The following RANBP3L variants were observed in gnomAD, a reference collection of about 807,000 sequenced individuals.
RANBP3L encodes RAN binding protein 3 like.
A neutral mutation model predicts 67.2 loss-of-function variants in RANBP3L; 56 were observed. That is an observed-to-expected ratio of 0.83 (90% CI 0.67 to 1.04). The LOEUF (loss-of-function observed/expected upper bound fraction) is 1.04, where lower values mean the gene tolerates loss of function less well. Ranked by LOEUF, RANBP3L falls within the 50% of genes least tolerant of loss-of-function variation. The pLI, the probability that RANBP3L is intolerant of heterozygous loss-of-function variation, is 0.00. For missense variants in RANBP3L, 496 were observed against 535.5 expected (o/e 0.93, Z 0.73); for synonymous variants, 164 against 181.4 (o/e 0.90, Z 0.77).
chr5:36,283,992 T>C (rs932164040), intron 1 of RANBP3L, among the ~76,000 whole-genome samples: 1 of 152,124 alleles, frequency 6.6e-6, no homozygotes, highest in Non-Finnish European at 1.5e-5. Context: ...CACTTCCTTT[T>C]TTTTTTTTGA....
At chr5:36,299,450 A>C (rs543417622) in intron 1 of RANBP3L, among the ~76,000 whole-genome samples, 1 of 152,096 alleles carries the variant, frequency 6.6e-6, no homozygotes, top group East Asian at 1.9e-4. Context: ...GCCTGGCTTA[A>C]AACAATAGTG....
chr5:36,276,625 CT>C (rs1750590225), intron 1 of RANBP3L, among the ~76,000 whole-genome samples: 1 of 152,040 alleles, frequency 6.6e-6, no homozygotes, highest in Non-Finnish European at 1.5e-5. Context: ...TATACCCCCC[CT>C]AATTTTGGGT....
chr5:36,272,082 A>G (rs1227495139), intron 1 of RANBP3L, among the ~76,000 whole-genome samples: 1 of 152,088 alleles, frequency 6.6e-6, no homozygotes, highest in African/African-American at 2.4e-5. Flanking sequence ...CTAATTGACT[A>G]ACTACTTTGG....
intron 1 of RANBP3L, among the ~76,000 whole-genome samples, chr5:36,280,717 A>T (rs1239803421): frequency 5.9e-5 from 9 of 152,154 alleles, no homozygotes; most frequent in Non-Finnish European, 5.9e-5. Flanking sequence ...TGGTTTTATA[A>T]GGACTTTCTT....
rs1230540779 is a variant in RANBP3L at position 36,247,017 on chromosome 5, CAT to C, written c.*2635_*2636del. On this transcript the variant is annotated 3_prime_UTR_variant, in exon 14 of 14. Transcript: ENST00000296604. ...TGTCTTAACACAAGATATATAATGACATAAATTAGTTAATTAAATTTTAATTA... is the reference window on the plus strand; with the variant it reads ...TGTCTTAACACAAGATATATAATGACAAATTAGTTAATTAAATTTTAATTA... 6.6e-6 allele frequency among the ~76,000 whole-genome samples: 1 copy of C among 152,112 alleles called. No homozygotes were observed. Among genetic ancestry groups the C allele is most frequent in the Non-Finnish European group, 1.5e-5 (1 of 68,014 alleles).
chr5:36,283,405 A>AG (rs1561131945), intron 1 of RANBP3L, among the ~76,000 whole-genome samples: 1 of 151,704 alleles, frequency 6.6e-6, no homozygotes, highest in Non-Finnish European at 1.5e-5. Context: ...TGTTACAAAA[A>AG]AAAAAAAACA....
chr5:36,269,393 C>T lies in RANBP3L; in HGVS notation c.265G>A (p.Gly89Arg). Residue 89 changes from glycine to arginine, a missense_variant, in exon 4 of 14, where the codon GGA becomes AGA. Coordinates refer to ENST00000296604, the MANE Select transcript of RANBP3L (RefSeq NM_145000.5). Reference protein sequence around the residue: ...TFHITDSQSQGVRKNNVFMTS... With the variant: ...TFHITDSQSQRVRKNNVFMTS... ...CAACAGTCAAGGCTATACATACCTC[C>T]CTGGGACTGAGAATCTGTAATATGA... The T allele has an allele frequency of 6.5e-7, 1 of 1,538,138 alleles. No homozygotes were observed. Among genetic ancestry groups the T allele is most frequent in the Non-Finnish European group, 9.0e-7 (1 of 1,110,734 alleles).
At chr5:36,292,687 G>A (rs1340658668) in intron 1 of RANBP3L, among the ~76,000 whole-genome samples, 4 of 151,608 alleles carry the variant, frequency 2.6e-5, no homozygotes, top group Admixed American at 6.6e-5. Context: ...TTTTTCTCAG[G>A]TTTGTCAAAG....
At chr5:36,274,837 G>C (rs1750463115) in intron 1 of RANBP3L, among the ~76,000 whole-genome samples, 1 of 152,130 alleles carries the variant, frequency 6.6e-6, no homozygotes, top group Non-Finnish European at 1.5e-5. Flanking sequence ...TTCTAGAAAA[G>C]AGCTGATGAG....
chr5:36,282,129 A>G (rs140728272), intron 1 of RANBP3L, among the ~76,000 whole-genome samples: 333 of 152,282 alleles, frequency 2.2e-3, no homozygotes, highest in African/African-American at 6.9e-3. Context: ...ATTTGACAGC[A>G]TTTGTAAATC....
chr5:36,263,653 T>C (rs892453859), intron 6 of RANBP3L, among the ~76,000 whole-genome samples: 12 of 152,132 alleles, frequency 7.9e-5, no homozygotes, highest in African/African-American at 2.7e-4. Flanking sequence ...CTTCCCGGGT[T>C]CAAGCTAGGA....
chr5:36,259,840 A>G (rs978585684), intron 8 of RANBP3L, among the ~76,000 whole-genome samples: 3 of 152,046 alleles, frequency 2.0e-5, no homozygotes, highest in Non-Finnish European at 4.4e-5. Flanking sequence ...TTTTCTGTAA[A>G]ATTTTCCACT....
At chr5:36,298,592 C>G (rs941655695) in intron 1 of RANBP3L, among the ~76,000 whole-genome samples, 2 of 152,194 alleles carry the variant, frequency 1.3e-5, no homozygotes, top group Non-Finnish European at 2.9e-5. Flanking sequence ...TGAATGAATA[C>G]TTTAAAACTC....
intron 8 of RANBP3L, among the ~76,000 whole-genome samples, chr5:36,257,976 C>A (rs960697350): frequency 1.3e-5 from 2 of 152,006 alleles, no homozygotes; most frequent in Non-Finnish European, 2.9e-5. Flanking sequence ...AATTAATTTA[C>A]CATTAGAAAT....
intron 1 of RANBP3L, among the ~76,000 whole-genome samples, chr5:36,298,492 C>T (rs1752390343): frequency 6.6e-6 from 1 of 152,146 alleles, no homozygotes; most frequent in South Asian, 2.1e-4. Context: ...CTCTCTAAAA[C>T]AAATGGCTTT....
In RANBP3L at chr5:36,252,793, A is replaced by G. The variant is rs571614761; in HGVS notation, c.1167+854T>C. Among the ~76,000 whole-genome samples the G allele has an allele frequency of 2.9e-3, 446 of 152,218 alleles. 4 individuals are homozygous for G. The highest frequency in any genetic ancestry group is 0.01 in the African/African-American group (432 of 41,556). ...CTTAAATGGTAAACGGGGTTTGTAC[A>G]TCATCTTACCAGAACATTTTAATGC... On this transcript the variant is annotated intron_variant, in intron 12 of 13. Coordinates refer to ENST00000296604, the MANE Select transcript of RANBP3L (RefSeq NM_145000.5).
chr5:36,281,674 T>G (rs1397251791), intron 1 of RANBP3L, among the ~76,000 whole-genome samples: 11 of 152,158 alleles, frequency 7.2e-5, no homozygotes, highest in Non-Finnish European at 4.4e-5. Context: ...TATAAAACAC[T>G]GCAAGATGCT....
rs569339369 is a variant in RANBP3L, at chr5:36,264,982, T to A, written c.457A>T (p.Thr153Ser). ...ACCTTATTATTTGTTTTTTCTTTAG[T>A]CTTGCAAGATTCCAGTGCCTTGTGT... ...FGHKALESCK[T>S]KEKTNNKISE... is the part of the protein sequence containing the mutation. The change falls in exon 6 of 14, where the codon ACT becomes TCT. Residue 153 changes from threonine (T) to serine (S), a missense_variant. Thr to Ser is a moderately conservative substitution (Grantham distance 58). Coordinates refer to ENST00000296604, the MANE Select transcript of RANBP3L (RefSeq NM_145000.5). 3.1e-6 allele frequency: 5 copies of A among 1,613,540 alleles called. No homozygotes were observed. In the South Asian group the frequency reaches 5.5e-5, roughly 18 times the overall value.
Position 36,256,088 on chromosome 5 carries a change from ATATTTTT to A in RANBP3L, c.904-505_904-499del, listed in dbSNP as rs947234893. On this transcript the variant is annotated intron_variant, in intron 10 of 13. Transcript: ENST00000296604. ...ATCATTGAACCATTTGCATGCTTCA[ATATTTTT>A]AAAGAGAGCATGATAACGTGGAGAA... 6.6e-5 allele frequency among the ~76,000 whole-genome samples: 10 copies of A among 152,250 alleles called. 1 individual carries two copies. The highest frequency in any genetic ancestry group is 5.2e-4 in the Admixed American group (8 of 15,278).
Sources: allele counts gnomAD v4.1 joint callset (sites outside exome capture counted in the v4.1 genomes callset), GRCh38; gene constraint gnomAD v4.1.1; transcripts MANE v1.5; gene names NCBI Gene and HGNC (gene_info 2026-07-23, HGNC 2026-07-21).